The following INPP5A variants were observed in gnomAD, a reference collection of about 807,000 sequenced individuals.
INPP5A encodes 43 kDa inositol polyphosphate 5-phophatase.
Under a neutral mutation model 65.2 loss-of-function variants are expected in INPP5A, and 14 were observed. That is an observed-to-expected ratio of 0.21 (90% CI 0.14 to 0.34). The LOEUF is 0.34. Among genes scored for constraint, INPP5A ranks in the 10% least tolerant of loss-of-function variants. The pLI is 1.00. For synonymous variants in INPP5A, 207 were observed against 208.3 expected (o/e 0.99, Z 0.05); for missense variants, 431 against 545.6 (o/e 0.79, Z 2.09).
At chr10:132,735,759 G>T (rs577172215) in intron 9 of INPP5A, among the ~76,000 whole-genome samples, 1 of 152,366 alleles carries the variant, frequency 6.6e-6, no homozygotes, top group African/African-American at 2.4e-5. Context: ...GCAGAGCCGG[G>T]CTGGCAGCAG....
At chr10:132,597,095 ATG>A (rs760754742) in intron 1 of INPP5A, among the ~76,000 whole-genome samples, 2 of 147,122 alleles carry the variant, frequency 1.4e-5, no homozygotes, top group Non-Finnish European at 3.0e-5. Flanking sequence ...GTATGTGTGC[ATG>A]TGTTTGCATG....
intron 6 of INPP5A, among the ~76,000 whole-genome samples, chr10:132,700,627 G>A (rs950935920): frequency 1.3e-5 from 2 of 152,112 alleles, no homozygotes; most frequent in Non-Finnish European, 2.9e-5. Flanking sequence ...GGGAGTCCCG[G>A]CCTGGCAGCC....
At chr10:132,629,371 G>A (rs768440920) in intron 2 of INPP5A, among the ~76,000 whole-genome samples, 30 of 152,326 alleles carry the variant, frequency 2.0e-4, no homozygotes, top group Non-Finnish European at 4.0e-4. Context: ...CCATCCTCTC[G>A]AGCCAGGGCC....
In INPP5A at chr10:132,707,673, C is replaced by T. The variant is rs1415726763; in HGVS notation, c.475-640C>T. On this transcript the variant is annotated intron_variant, in intron 6 of 15. Transcript: ENST00000368594. The surrounding 1 kb of genome is among the most constrained non-coding windows in gnomAD (Gnocchi z 5.5). ...CTGCCACCTCTTAAAGAACACCCCT[C>T]TTTGGAATCTCATGCTGTTGACTGT... Among the ~76,000 whole-genome samples, 1 of 152,176 alleles carries T rather than the reference C, an allele frequency of 6.6e-6. No individual in the cohort carries two copies.
At chr10:132,680,011 A>G in intron 4 of INPP5A, among the ~76,000 whole-genome samples, 1 of 152,266 alleles carries the variant, frequency 6.6e-6, no homozygotes, top group South Asian at 2.1e-4. Flanking sequence ...AGAAGAAAAC[A>G]TGGGCCAGAA....
intron 4 of INPP5A, among the ~76,000 whole-genome samples, chr10:132,673,285 C>A (rs138396068): frequency 1.3e-5 from 2 of 152,290 alleles, no homozygotes; most frequent in Admixed American, 1.3e-4. Flanking sequence ...GCCAGCAGAA[C>A]GTAATGTTGC....
In INPP5A at chr10:132,678,428, TCTTG is replaced by T. The variant is rs1399438299; in HGVS notation, c.307-11963_307-11960del. ...TGTTAAATTGTTTCAAAACAAGGTGTCTTGGGACTTGCCTTTGTGATAGGGTTAA... is the reference window on the plus strand; with the variant it reads ...TGTTAAATTGTTTCAAAACAAGGTGTGGACTTGCCTTTGTGATAGGGTTAA... On this transcript the variant is annotated intron_variant, in intron 4 of 15. Transcript: ENST00000368594. The surrounding 1 kb of genome is among the most constrained non-coding windows in gnomAD (Gnocchi z 4.1). 1.3e-5 allele frequency among the ~76,000 whole-genome samples: 2 copies of T among 152,228 alleles called. No homozygotes were observed. The highest frequency in any genetic ancestry group is 1.3e-4 in the Admixed American group (2 of 15,290).
intron 4 of INPP5A, among the ~76,000 whole-genome samples, chr10:132,681,947 A>G (rs1313375922): frequency 6.6e-6 from 1 of 152,244 alleles, no homozygotes; most frequent in Non-Finnish European, 1.5e-5. Context: ...AGAAACACGA[A>G]CATGGTATGA....
intron 2 of INPP5A, among the ~76,000 whole-genome samples, chr10:132,632,048 G>A (rs1042319959): frequency 6.6e-6 from 1 of 152,252 alleles, no homozygotes; most frequent in African/African-American, 2.4e-5. Flanking sequence ...CCCCATGGGG[G>A]TTGTGTCTCT....
At chr10:132,597,532 TTTC>T in intron 1 of INPP5A, among the ~76,000 whole-genome samples, 1 of 152,376 alleles carries the variant, frequency 6.6e-6, no homozygotes, top group Admixed American at 6.5e-5. Flanking sequence ...AATTATATAA[TTTC>T]TTACACATCT....
rs1001671537 is a variant in INPP5A at position 132,783,387 on chromosome 10, C to G, written c.*1358C>G. The G allele has an allele frequency of 2.0e-5, 3 of 152,318 alleles. No homozygotes were observed. Among genetic ancestry groups the G allele is most frequent in the Non-Finnish European group, 4.4e-5 (3 of 68,026 alleles). 9.4% of individuals were successfully genotyped at this position (152,318 alleles called of 1,614,324 possible). ...CGCTGTCCGCGGTTCAACACGGAGT[C>G]CGCCCCGCGGGTTTCAGCTGTTGGT... On this transcript the variant is annotated 3_prime_UTR_variant, in exon 16 of 16. Coordinates refer to ENST00000368594, the MANE Select transcript of INPP5A (RefSeq NM_005539.5).
chr10:132,583,727 A>C (rs1486577014), intron 1 of INPP5A, among the ~76,000 whole-genome samples: 1 of 152,162 alleles, frequency 6.6e-6, no homozygotes, highest in Non-Finnish European at 1.5e-5. Flanking sequence ...ATCGCTGTTT[A>C]GTTAAACGAA....
chr10:132,619,290 C>A (rs2072081940), intron 2 of INPP5A, among the ~76,000 whole-genome samples: 1 of 152,144 alleles, frequency 6.6e-6, no homozygotes, highest in Non-Finnish European at 1.5e-5. Flanking sequence ...AGTTTGAAAC[C>A]CAGTAGGGCG....
intron 9 of INPP5A, among the ~76,000 whole-genome samples, chr10:132,742,635 C>T (rs1846295212): frequency 6.6e-6 from 1 of 152,200 alleles, no homozygotes; most frequent in South Asian, 2.1e-4. Flanking sequence ...GAGACGGGCA[C>T]AGCTTTCCAT....
At chr10:132,755,468 G>A (rs998319077) in intron 11 of INPP5A, among the ~76,000 whole-genome samples, 25 of 151,254 alleles carry the variant, frequency 1.7e-4, no homozygotes, top group Non-Finnish European at 3.2e-4. Flanking sequence ...GCGAGTGTGT[G>A]TGAGCAGGCA....
chr10:132,708,480 C>T (rs758601367), intron 7 of INPP5A, 115 bp downstream of exon 7: 2 of 1,001,742 alleles, frequency 2.0e-6, no homozygotes, highest in Non-Finnish European at 3.2e-6. Flanking sequence ...TGCATGAGGA[C>T]CCCCAGCTGC....
chr10:132,730,338 G>A (rs1177004585), intron 9 of INPP5A, among the ~76,000 whole-genome samples: 1 of 152,254 alleles, frequency 6.6e-6, no homozygotes, highest in African/African-American at 2.4e-5. Context: ...GGGCCACGTG[G>A]GCGAGTCGGG....
At chr10:132,718,656 G>GA (rs1399973862) in intron 8 of INPP5A, among the ~76,000 whole-genome samples, 5 of 149,306 alleles carry the variant, frequency 3.3e-5, no homozygotes, top group African/African-American at 7.4e-5. Context: ...CGCCTTAGAT[G>GA]CTGTCTTCAG....
chr10:132,781,528 G>A (rs1004558313), intron 14 of INPP5A, among the ~76,000 whole-genome samples: 1 of 152,238 alleles, frequency 6.6e-6, no homozygotes, highest in Non-Finnish European at 1.5e-5. Flanking sequence ...CCGAGGACGG[G>A]AGAGCCTTCC....
Sources: gnomAD v4.1 joint callset for allele counts (sites outside exome capture counted in the v4.1 genomes callset) on GRCh38, gnomAD v4.1.1 for gene constraint, Gnocchi (gnomAD v3.1) non-coding constraint, MANE v1.5 for transcripts, NCBI Gene and HGNC (gene_info 2026-07-23, HGNC 2026-07-21) for gene names.